STAU2: variants seen among roughly 807,000 people sequenced by gnomAD.
STAU2 encodes the protein double-stranded RNA-binding protein Staufen homolog 2.
STAU2 carries 20 observed loss-of-function variants against 65.9 expected under a neutral mutation model. That is an observed-to-expected ratio of 0.30 (90% CI 0.21 to 0.44). STAU2 has a LOEUF of 0.44. Ranked by LOEUF, STAU2 falls within the 20% of genes least tolerant of loss-of-function variation. STAU2 has a pLI of 1.00. For missense variants in STAU2, 558 were observed against 683.9 expected, an observed-to-expected ratio of 0.82 and a Z score of 2.05; for synonymous variants, 232 against 233.9, an observed-to-expected ratio of 0.99 and a Z score of 0.07.
At chr8:73,473,298 G>A (rs532187857) in intron 13 of STAU2, among the ~76,000 whole-genome samples, 3 of 152,230 alleles carry the variant, frequency 2.0e-5, no homozygotes, top group Admixed American at 6.5e-5. Flanking sequence ...GCTGTATACT[G>A]GGGAAAATAC....
At chr8:73,510,606 T>C (rs750330827) in intron 13 of STAU2, among the ~76,000 whole-genome samples, 2 of 152,178 alleles carry the variant, frequency 1.3e-5, no homozygotes, top group Non-Finnish European at 2.9e-5. Flanking sequence ...CAGTTCAGCA[T>C]GACTGGGGAG....
chr8:73,564,528 G>A (rs1423990829), intron 12 of STAU2, among the ~76,000 whole-genome samples: 1 of 152,070 alleles, frequency 6.6e-6, no homozygotes, highest in Admixed American at 6.5e-5. Context: ...GTGGAAGGAG[G>A]TAGAGGATCA....
intron 4 of STAU2, among the ~76,000 whole-genome samples, chr8:73,693,474 C>CAAAA (rs57858834): frequency 2.2e-4 from 15 of 68,410 alleles, no homozygotes; most frequent in South Asian, 4.8e-4. Context: ...GACTCCGTCT[C>CAAAA]AAAAAAAAAA....
At chr8:73,672,938 C>A in intron 6 of STAU2, 169 bp downstream of exon 6, 3 of 536,384 alleles carry the variant, frequency 5.6e-6, no homozygotes, top group Non-Finnish European at 8.4e-6. Context: ...AACTGGGTTT[C>A]TTTAAGTTAT....
At chr8:73,554,973 T>C (rs534903634) in intron 12 of STAU2, among the ~76,000 whole-genome samples, 47 of 152,356 alleles carry the variant, frequency 3.1e-4, no homozygotes, top group African/African-American at 1.1e-3. Context: ...CACATGCACA[T>C]ACTCTCTTAG....
Position 73,714,772 on chromosome 8 carries a change from G to A in STAU2, c.-17-5610C>T, listed in dbSNP as rs1030715488. Among the ~76,000 whole-genome samples the A allele has an allele frequency of 3.9e-5, 6 of 152,144 alleles. No individual in the cohort carries two copies. In the South Asian group the frequency reaches 1.2e-3, roughly 32 times the overall value. On this transcript the variant is annotated intron_variant, in intron 3 of 14. Transcript: ENST00000524300. ...CATTTTGAGTTACTTTTTGTATACA[G>A]AAGAAATACTTGCAATATGTGAAGA...
At chr8:73,654,663 A>AAAAAAAAAAAAAAAAC (rs1280392351) in intron 6 of STAU2, among the ~76,000 whole-genome samples, 7 of 135,638 alleles carry the variant, frequency 5.2e-5, no homozygotes, top group Non-Finnish European at 7.9e-5. Flanking sequence ...AAAAAAAAAG[A>AAAAAAAAAAAAAAAAC]ACTCTTTTAA....
chr8:73,629,092 T>A (rs566199392), intron 6 of STAU2, among the ~76,000 whole-genome samples: 1 of 152,382 alleles, frequency 6.6e-6, no homozygotes, highest in East Asian at 1.9e-4. Flanking sequence ...AATTTAGTCA[T>A]ACATTTGCAT....
chr8:73,597,498 C>CAAAAAAAAA (rs1259337727), intron 10 of STAU2, among the ~76,000 whole-genome samples: 2 of 115,688 alleles, frequency 1.7e-5, no homozygotes, highest in Non-Finnish European at 1.9e-5. Context: ...ACTAAAAATA[C>CAAAAAAAAA]AAAAATAAAA....
chr8:73,535,315 GC>G (rs1806109115), intron 13 of STAU2, among the ~76,000 whole-genome samples: 1 of 151,942 alleles, frequency 6.6e-6, no homozygotes, highest in Admixed American at 6.6e-5. Context: ...GACTACAGGC[GC>G]CCACCACCAC....
intron 13 of STAU2, among the ~76,000 whole-genome samples, chr8:73,535,990 T>G (rs1342268127): frequency 6.6e-6 from 1 of 152,214 alleles, no homozygotes; most frequent in Non-Finnish European, 1.5e-5. Flanking sequence ...AAAAAATATT[T>G]TAACATGGTG....
At chr8:73,549,881 C>T (rs953462211) in intron 13 of STAU2, 4 of 985,590 alleles carry the variant, frequency 4.1e-6, no homozygotes, top group African/African-American at 3.5e-5. Flanking sequence ...TTCTAAACTA[C>T]AGTCCAATTA....
chr8:73,487,254 T>G (rs1030164410), intron 13 of STAU2, among the ~76,000 whole-genome samples: 1 of 152,064 alleles, frequency 6.6e-6, no homozygotes, highest in Non-Finnish European at 1.5e-5. Context: ...GAATTACCTC[T>G]AGGAAGGACT....
At chr8:73,468,131 A>G (rs1819763925) in intron 13 of STAU2, among the ~76,000 whole-genome samples, 1 of 152,232 alleles carries the variant, frequency 6.6e-6, no homozygotes, top group South Asian at 2.1e-4. Flanking sequence ...GGAACAGAAC[A>G]GAGCCCTCAG....
intron 13 of STAU2, among the ~76,000 whole-genome samples, chr8:73,481,020 T>C (rs958785254): frequency 2.6e-5 from 4 of 152,054 alleles, no homozygotes; most frequent in Admixed American, 1.3e-4. Flanking sequence ...AAAGAATACA[T>C]ATATGCTGTT....
intron 6 of STAU2, among the ~76,000 whole-genome samples, chr8:73,656,472 G>C (rs1328732014): frequency 6.6e-6 from 1 of 152,212 alleles, no homozygotes; most frequent in East Asian, 1.9e-4. Flanking sequence ...CAATTATTCA[G>C]ATTCTCCATT....
chr8:73,726,039 T>A (rs924344678), intron 3 of STAU2, among the ~76,000 whole-genome samples: 10 of 152,194 alleles, frequency 6.6e-5, no homozygotes, highest in African/African-American at 2.2e-4. Flanking sequence ...TCTTCTACTT[T>A]AGGTTGACTT....
In STAU2 at chr8:73,746,798, A is replaced by C; in HGVS notation, c.-212T>G. ...GGGTATTTACCTTCTTGCCGGGGAC[A>C]CTTTGCAGACGGCTCCAACATTGGC... On this transcript the variant is annotated 5_prime_UTR_variant, in exon 1 of 15. Transcript: ENST00000524300. 1 of 1,231,538 alleles carries C rather than the reference A, an allele frequency of 8.1e-7. No individual in the cohort carries two copies. The highest frequency in any genetic ancestry group is 1.0e-6 in the Non-Finnish European group (1 of 986,626). The allele number at this position is 1,231,538 out of a possible 1,614,324, so 76.3% of individuals were successfully genotyped here.
intron 9 of STAU2, among the ~76,000 whole-genome samples, chr8:73,606,227 TATAAATA>T (rs1336701769): frequency 6.6e-6 from 1 of 151,548 alleles, no homozygotes; most frequent in East Asian, 1.9e-4. Flanking sequence ...AATGAAACAA[TATAAATA>T]ATAATAAAAT....
Sources: gnomAD v4.1 joint callset for allele counts (sites outside exome capture counted in the v4.1 genomes callset) on GRCh38, gnomAD v4.1.1 for gene constraint, MANE v1.5 for transcripts, NCBI Gene and HGNC (gene_info 2026-07-23, HGNC 2026-07-21) for gene names.